The following DOCK4 variants were observed in gnomAD, a reference collection of about 807,000 sequenced individuals.
DOCK4 encodes the protein dedicator of cytokinesis protein 4.
Under a neutral mutation model 268.1 loss-of-function variants are expected in DOCK4, and 97 were observed. The observed-to-expected ratio is 0.36, with a 90% CI of 0.31 to 0.43. DOCK4 has a LOEUF of 0.43. Among genes scored for constraint, DOCK4 ranks in the 20% least tolerant of loss-of-function variants. DOCK4 has a pLI of 1.00. For synonymous variants in DOCK4, 954 were observed against 887.2 expected, an observed-to-expected ratio of 1.08 and a Z score of -1.34; for missense variants, 2,145 against 2,455.7, an observed-to-expected ratio of 0.87 and a Z score of 2.67.
At chr7:112,104,669 C>G (rs577604019) in intron 1 of DOCK4, among the ~76,000 whole-genome samples, 1 of 152,052 alleles carries the variant, frequency 6.6e-6, no homozygotes, top group East Asian at 1.9e-4. Context: ...GAAAAATATC[C>G]AAATGACCTA....
intron 7 of DOCK4, among the ~76,000 whole-genome samples, chr7:111,978,209 G>T (rs1163812135): frequency 1.3e-5 from 2 of 152,168 alleles, no homozygotes; most frequent in East Asian, 1.9e-4. Context: ...CAACTGTGAT[G>T]AATGGAAGCA....
At chr7:111,749,485 T>C (rs1290853431) in intron 42 of DOCK4, among the ~76,000 whole-genome samples, 3 of 152,162 alleles carry the variant, frequency 2.0e-5, no homozygotes, top group Admixed American at 6.5e-5. Flanking sequence ...ATGGTTACAA[T>C]AGTAGGTTTT....
At chr7:111,828,240 T>C (rs543700600) in intron 26 of DOCK4, among the ~76,000 whole-genome samples, 2 of 152,302 alleles carry the variant, frequency 1.3e-5, no homozygotes, top group South Asian at 4.1e-4. Flanking sequence ...CCTCAGGTCT[T>C]TGCTCCCACA....
chr7:112,072,092 T>A (rs1807639906), intron 1 of DOCK4, among the ~76,000 whole-genome samples: 1 of 152,168 alleles, frequency 6.6e-6, no homozygotes, highest in East Asian at 1.9e-4. Context: ...CAAAACATCT[T>A]CTCTTTTCTT....
intron 1 of DOCK4, among the ~76,000 whole-genome samples, chr7:112,128,293 G>A (rs191857720): frequency 6.6e-6 from 1 of 150,500 alleles, no homozygotes; most frequent in Non-Finnish European, 1.5e-5. Context: ...GGAGGGAGGT[G>A]GGGGGGGTCA....
chr7:111,943,801 G>GA (rs534163376), intron 10 of DOCK4, among the ~76,000 whole-genome samples: 1,603 of 152,184 alleles, frequency 0.011, 19 homozygotes, highest in South Asian at 0.037. Flanking sequence ...ATTTTTATGA[G>GA]AAAAAACATA....
At chr7:112,097,022 G>A (rs1301742682) in intron 1 of DOCK4, among the ~76,000 whole-genome samples, 1 of 152,150 alleles carries the variant, frequency 6.6e-6, no homozygotes, top group Non-Finnish European at 1.5e-5. Context: ...TTAAAGCAGA[G>A]CTTGAAAATG....
At chr7:111,951,765 G>A (rs964950780) in intron 8 of DOCK4, among the ~76,000 whole-genome samples, 4 of 151,994 alleles carry the variant, frequency 2.6e-5, no homozygotes, top group Non-Finnish European at 4.4e-5. Context: ...ACAGAAGGCT[G>A]AGGTGGGAAG....
At chr7:111,960,104 G>A (rs1310902296) in intron 8 of DOCK4, among the ~76,000 whole-genome samples, 3 of 151,672 alleles carry the variant, frequency 2.0e-5, no homozygotes, top group Non-Finnish European at 2.9e-5. Context: ...AGTGGCTCAC[G>A]CCTGTTATCC....
At chr7:111,950,491 G>A (rs1341626766) in intron 8 of DOCK4, among the ~76,000 whole-genome samples, 3 of 152,146 alleles carry the variant, frequency 2.0e-5, no homozygotes, top group African/African-American at 4.8e-5. Flanking sequence ...ATTACATGGT[G>A]AGCAACTAGA....
intron 1 of DOCK4, among the ~76,000 whole-genome samples, chr7:112,085,226 G>A (rs1405621542): frequency 6.6e-6 from 1 of 152,038 alleles, no homozygotes; most frequent in East Asian, 1.9e-4. Flanking sequence ...GAATCAAAGG[G>A]TCAGGATGCT....
intron 10 of DOCK4, among the ~76,000 whole-genome samples, chr7:111,940,459 T>C (rs1019844841): frequency 1.3e-5 from 2 of 152,138 alleles, no homozygotes; most frequent in African/African-American, 2.4e-5. Flanking sequence ...ATTCTGGGCG[T>C]CAGTTGCCAT....
At chr7:112,095,335 A>AT (rs1810022215) in intron 1 of DOCK4, among the ~76,000 whole-genome samples, 1 of 152,196 alleles carries the variant, frequency 6.6e-6, no homozygotes, top group African/African-American at 2.4e-5. Flanking sequence ...AGGGTAAGGG[A>AT]TTTTAATTGC....
chr7:112,146,108 G>A (rs1402927465), intron 1 of DOCK4, among the ~76,000 whole-genome samples: 3 of 152,176 alleles, frequency 2.0e-5, no homozygotes, highest in African/African-American at 7.2e-5. Context: ...CAAACACTTA[G>A]CACAAAGATT....
rs116127139 is a variant in DOCK4, at chr7:111,962,389, C to A, written c.701+14743G>T. On this transcript the variant is annotated intron_variant, in intron 8 of 52. Transcript: ENST00000428084. ...ACACTAAATTTAATCCTCCAATAAC[C>A]CCATGGGGAAAGTACTATTATTATC... 5.4e-3 allele frequency among the ~76,000 whole-genome samples: 826 copies of A among 152,182 alleles called. 11 individuals are homozygous for A. The highest frequency in any genetic ancestry group is 0.019 in the African/African-American group (775 of 41,512).
intron 27 of DOCK4, chr7:111,820,609 G>A (rs1288075704): frequency 6.6e-6 from 1 of 152,100 alleles, no homozygotes; most frequent in African/African-American, 2.4e-5. Context: ...GTAACGATGG[G>A]GCAGAGAGAG....
chr7:111,795,034 A>G (rs923037015), intron 30 of DOCK4, among the ~76,000 whole-genome samples: 2 of 152,106 alleles, frequency 1.3e-5, no homozygotes, highest in African/African-American at 4.8e-5. Flanking sequence ...GATTTTTTTT[A>G]TCTTTCTGAT....
At chr7:111,987,150 T>C (rs1365484575) in intron 6 of DOCK4, among the ~76,000 whole-genome samples, 1 of 152,202 alleles carries the variant, frequency 6.6e-6, no homozygotes, top group African/African-American at 2.4e-5. Context: ...TCTAAATAAA[T>C]TATACTGCTC....
chr7:111,896,880 A>G (rs1378201945), intron 15 of DOCK4, among the ~76,000 whole-genome samples: 1 of 152,172 alleles, frequency 6.6e-6, no homozygotes, highest in East Asian at 1.9e-4. Flanking sequence ...ACTTTCTTTT[A>G]AAATCATTAA....
Sources: gnomAD v4.1 joint callset for allele counts (sites outside exome capture counted in the v4.1 genomes callset) on GRCh38, gnomAD v4.1.1 for gene constraint, MANE v1.5 for transcripts, NCBI Gene and HGNC (gene_info 2026-07-23, HGNC 2026-07-21) for gene names.